Variants in FBXL2 observed in about 807,000 individuals in gnomAD.
FBXL2 encodes the protein F-box and leucine rich repeat protein 2.
A neutral mutation model predicts 69.2 loss-of-function variants in FBXL2; 38 were observed. That is an observed-to-expected ratio of 0.55 (90% CI 0.42 to 0.72). The LOEUF is 0.72. FBXL2 is among the 30% of genes least tolerant of loss of function. The pLI, the probability that FBXL2 is intolerant of heterozygous loss-of-function variation, is 0.00. For synonymous variants in FBXL2, 192 were observed against 201.3 expected (o/e 0.95, Z 0.39); for missense variants, 354 against 520.3 (o/e 0.68, Z 3.11).
chr3:33,372,821 T>C, intron 5 of FBXL2: 2 of 550,704 alleles, frequency 3.6e-6, no homozygotes, highest in East Asian at 3.1e-5. Context: ...AAAGGAGAAC[T>C]GATTGATAGG....
chr3:33,277,695 G>T (rs931667351), intron 1 of FBXL2, among the ~76,000 whole-genome samples, 180 bp downstream of exon 1: 1 of 152,046 alleles, frequency 6.6e-6, no homozygotes, highest in African/African-American at 2.4e-5. Context: ...GTAACCTGGG[G>T]GATTCAGAGC....
rs778539593 is a variant in FBXL2, at chr3:33,373,152, C to T, written c.351C>T (p.Ile117=). 1 of 1,614,032 alleles carries T rather than the reference C, an allele frequency of 6.2e-7. No homozygotes were observed. The highest frequency in any genetic ancestry group is 1.1e-5 in the South Asian group (1 of 91,082). ...EHLNLNGCTK[I]TDSTCYSLSR... is the part of the protein sequence containing the mutation. ...TGAACCTCAATGGATGCACAAAAAT[C>T]ACTGACAGGTAAGTAATGAAGATTA... is the stretch of plus-strand genomic sequence containing the variant. Residue 117 remains isoleucine (I), a synonymous_variant, in exon 6 of 15, where the codon ATC becomes ATT. Transcript: ENST00000484457.
chr3:33,345,763 G>A (rs1472501127), intron 2 of FBXL2, among the ~76,000 whole-genome samples: 1 of 152,118 alleles, frequency 6.6e-6, no homozygotes, highest in East Asian at 1.9e-4. Context: ...AAAATATTTG[G>A]AGATTAAACA....
At chr3:33,359,221 A>ATAGTCTCAATAAATGTGTTTCTT in intron 3 of FBXL2, 62 bp from the exon 4 acceptor site, 1 of 1,400,714 alleles carries the variant, frequency 7.1e-7, no homozygotes, top group South Asian at 1.3e-5. Flanking sequence ...ACTTTCTTTA[A>ATAGTCTCAATAAATGTGTTTCTT]TAGTCTCAAT....
At chr3:33,375,908 A>G (rs1245293596) in intron 10 of FBXL2, among the ~76,000 whole-genome samples, 1 of 152,116 alleles carries the variant, frequency 6.6e-6, no homozygotes, top group Non-Finnish European at 1.5e-5. Context: ...TGTAATCCCA[A>G]CAGTTTGGGA....
intron 5 of FBXL2, among the ~76,000 whole-genome samples, chr3:33,370,007 T>C (rs1362764046): frequency 2.6e-5 from 4 of 152,234 alleles, no homozygotes; most frequent in Non-Finnish European, 4.4e-5. Flanking sequence ...TTATCTGGTA[T>C]CATTTTCTTT....
intron 1 of FBXL2, among the ~76,000 whole-genome samples, chr3:33,291,711 T>C (rs1311125602): frequency 6.7e-6 from 1 of 149,952 alleles, no homozygotes; most frequent in Non-Finnish European, 1.5e-5. Context: ...GTAAGATCAG[T>C]GAAGGAAACA....
chr3:33,334,117 A>G (rs568731873), intron 2 of FBXL2, among the ~76,000 whole-genome samples: 1 of 152,324 alleles, frequency 6.6e-6, no homozygotes, highest in South Asian at 2.1e-4. Context: ...AAATTATACT[A>G]CATTCTTAAC....
At chr3:33,334,429 C>T (rs1036192257) in intron 2 of FBXL2, among the ~76,000 whole-genome samples, 1 of 152,066 alleles carries the variant, frequency 6.6e-6, no homozygotes, top group Non-Finnish European at 1.5e-5. Flanking sequence ...GGCATTTCAG[C>T]AATTATTCAC....
the FBXL2 span, chr3:33,416,714 A>C: frequency 1.4e-6 from 2 of 1,402,706 alleles, no homozygotes; most frequent in African/African-American, 2.9e-5. Context: ...AAACTCATTC[A>C]ATCACAGCAA....
chr3:33,300,710 C>CTT (rs576599326), intron 2 of FBXL2: 12 of 137,870 alleles, frequency 8.7e-5, no homozygotes, highest in African/African-American at 1.6e-4. Flanking sequence ...GCTATGCTTT[C>CTT]TTTTTTTTTT....
In FBXL2 at chr3:33,313,507, G is replaced by A. The variant is rs568413563; in HGVS notation, c.65+15782G>A. ...GTCACCCAGGCTGGAATGTAGTGGT[G>A]TGATCATGGCTTACTGCAACCTCAA... is the stretch of plus-strand genomic sequence containing the variant. On this transcript the variant is annotated intron_variant, in intron 2 of 14. Coordinates refer to ENST00000484457, the MANE Select transcript of FBXL2 (RefSeq NM_012157.5). 2.0e-5 allele frequency among the ~76,000 whole-genome samples: 3 copies of A among 152,250 alleles called. 1 individual carries two copies. The highest frequency in any genetic ancestry group is 7.2e-5 in the African/African-American group (3 of 41,548).
intron 2 of FBXL2, among the ~76,000 whole-genome samples, chr3:33,346,181 G>A (rs1330904219): frequency 3.9e-5 from 6 of 152,074 alleles, no homozygotes; most frequent in South Asian, 2.1e-4. Context: ...AGCTGAGATC[G>A]TGCCATTGCA....
chr3:33,373,615 T>C lies in FBXL2; in HGVS notation c.493T>C (p.Trp165Arg). 1 of 1,614,184 alleles carries C rather than the reference T, an allele frequency of 6.2e-7. No homozygotes were observed. The change falls in exon 8 of 15, where the codon TGG becomes CGG. Residue 165 changes from tryptophan (W) to arginine (R), a missense_variant. Trp to Arg is a moderately radical substitution (Grantham distance 101). Transcript: ENST00000484457. ...CRNLEYLNLS[W>R]CDQITKDGIE... ...AAACCTGGAGTACCTGAACCTCTCT[T>C]GGTGTGATCAGATCACGAAGGATGG...
intron 1 of FBXL2, among the ~76,000 whole-genome samples, chr3:33,277,769 C>T (rs983722990): frequency 6.6e-6 from 1 of 152,008 alleles, no homozygotes; most frequent in Non-Finnish European, 1.5e-5. Context: ...GGTGACAGCC[C>T]GGACCCCCAC....
chr3:33,407,961 T>G (rs1190829250), downstream of FBXL2, among the ~76,000 whole-genome samples: 1 of 152,186 alleles, frequency 6.6e-6, no homozygotes, highest in South Asian at 2.1e-4. Context: ...AAATAAAGAT[T>G]TGCTATACTT....
chr3:33,359,619 C>T (rs2041468876), intron 4 of FBXL2, among the ~76,000 whole-genome samples: 1 of 151,994 alleles, frequency 6.6e-6, no homozygotes, highest in South Asian at 2.1e-4. Flanking sequence ...CACACACCTG[C>T]ATCATTATCA....
At chr3:33,286,841 C>T (rs902849417) in intron 1 of FBXL2, among the ~76,000 whole-genome samples, 5 of 152,190 alleles carry the variant, frequency 3.3e-5, no homozygotes, top group Non-Finnish European at 5.9e-5. Flanking sequence ...CTGAGCCAGG[C>T]GCGGGATATA....
In FBXL2 at chr3:33,335,961, T is replaced by C. The variant is rs549355633; in HGVS notation, c.66-23006T>C. On this transcript the variant is annotated intron_variant, in intron 2 of 14. Coordinates refer to ENST00000484457, the MANE Select transcript of FBXL2 (RefSeq NM_012157.5). Reference sequence around the variant, plus strand: ...AAGTTTAAGACCTAAAAAATGTTGCTGGAGAGAAATTTCAATAACCTAAAT... The same window carrying C: ...AAGTTTAAGACCTAAAAAATGTTGCCGGAGAGAAATTTCAATAACCTAAAT... 3.3e-5 allele frequency among the ~76,000 whole-genome samples: 5 copies of C among 152,312 alleles called. No homozygotes were observed. The South Asian group carries it at 1.0e-3, about 32-fold the overall frequency.
Sources: allele counts gnomAD v4.1 joint callset (sites outside exome capture counted in the v4.1 genomes callset), GRCh38; gene constraint gnomAD v4.1.1; transcripts MANE v1.5; gene names NCBI Gene and HGNC (gene_info 2026-07-23, HGNC 2026-07-21).